Variants in TMEM71 observed in about 807,000 individuals in gnomAD.
The protein encoded by TMEM71 is transmembrane protein 71.
Under a neutral mutation model 38.0 loss-of-function variants are expected in TMEM71, and 44 were observed. That is an observed-to-expected ratio of 1.16 (90% CI 0.91 to 1.49). The LOEUF (loss-of-function observed/expected upper bound fraction) is 1.49, where lower values mean the gene tolerates loss of function less well. Among genes scored for constraint, TMEM71 ranks in the 40% most tolerant of loss-of-function variants. TMEM71 has a pLI of 0.00. For synonymous variants in TMEM71, 133 were observed against 122.5 expected, an observed-to-expected ratio of 1.09 and a Z score of -0.56; for missense variants, 367 against 348.6, an observed-to-expected ratio of 1.05 and a Z score of -0.42.
intron 4 of TMEM71, among the ~76,000 whole-genome samples, chr8:132,749,134 G>T (rs777238099): frequency 3.3e-5 from 5 of 152,198 alleles, no homozygotes; most frequent in Non-Finnish European, 5.9e-5. Context: ...AATGGAGTAA[G>T]ACTTTCCTGA....
chr8:132,754,370 CTT>C (rs1299264157), intron 3 of TMEM71, among the ~76,000 whole-genome samples: 1 of 152,160 alleles, frequency 6.6e-6, no homozygotes, highest in East Asian at 1.9e-4. Context: ...CCTTTCCTCT[CTT>C]AGACTTTTGG....
chr8:132,746,892 T>G (rs1776820944), intron 5 of TMEM71, 50 bp downstream of exon 5: 1 of 1,485,898 alleles, frequency 6.7e-7, no homozygotes, highest in Admixed American at 2.3e-5. Flanking sequence ...GGGTTACCAC[T>G]GCCCACTTGG....
upstream of TMEM71, among the ~76,000 whole-genome samples, chr8:132,762,146 C>T (rs938605377): frequency 3.9e-5 from 6 of 152,234 alleles, no homozygotes; most frequent in Non-Finnish European, 7.3e-5. Flanking sequence ...AGGTCACTTC[C>T]TGAGCCATCT....
chr8:132,736,499 G>C (rs1013447460), intron 5 of TMEM71, among the ~76,000 whole-genome samples: 7 of 152,142 alleles, frequency 4.6e-5, no homozygotes, highest in African/African-American at 1.4e-4. Context: ...ATATCATGGT[G>C]ACTAGAGTTA....
upstream of TMEM71, among the ~76,000 whole-genome samples, chr8:132,761,363 T>C (rs190017515): frequency 6.6e-6 from 1 of 152,322 alleles, no homozygotes; most frequent in East Asian, 1.9e-4. Context: ...ATATATGTCA[T>C]ATGATGGCTT....
intron 7 of TMEM71, among the ~76,000 whole-genome samples, chr8:132,714,470 T>C (rs1826396606): frequency 6.6e-6 from 1 of 151,446 alleles, no homozygotes; most frequent in African/African-American, 2.4e-5. Flanking sequence ...CATACCGTCT[T>C]TTCAACCAAT....
chr8:132,743,205 C>T (rs1208397157), intron 5 of TMEM71, among the ~76,000 whole-genome samples: 10 of 152,052 alleles, frequency 6.6e-5, no homozygotes, highest in African/African-American at 2.2e-4. Flanking sequence ...GCCGCAGGGA[C>T]TCACTCAATC....
intron 6 of TMEM71, among the ~76,000 whole-genome samples, chr8:132,727,308 G>A (rs556044031): frequency 6.6e-6 from 1 of 150,558 alleles, no homozygotes; most frequent in Non-Finnish European, 1.5e-5. Context: ...CCAGGATGGA[G>A]TGCAATGGCG....
At chr8:132,767,205 C>T in the TMEM71 span, among the ~76,000 whole-genome samples, 1 of 152,150 alleles carries the variant, frequency 6.6e-6, no homozygotes, top group Admixed American at 6.5e-5. Context: ...TTTTCCATTA[C>T]TCTCCTCGGC....
At chr8:132,757,346 T>A in intron 2 of TMEM71, 52 bp from the exon 3 acceptor site, 2 of 1,357,064 alleles carry the variant, frequency 1.5e-6, no homozygotes, top group Non-Finnish European at 2.1e-6. Context: ...GATCAACAGT[T>A]ACATATGTTG....
At chr8:132,726,823 G>A (rs1827167451) in intron 6 of TMEM71, among the ~76,000 whole-genome samples, 1 of 150,406 alleles carries the variant, frequency 6.6e-6, no homozygotes, top group South Asian at 2.1e-4. Context: ...ATTAAAGGAT[G>A]TTCTTTTTGT....
chr8:132,710,497 A>G lies in TMEM71; in HGVS notation c.*470T>C, dbSNP rs1826181028. ...TATATTTTATGTACAAATTGCATTT[A>G]TTGTTATTCAAGTTGTCAGGTTGGT... On this transcript the variant is annotated 3_prime_UTR_variant, in exon 10 of 10. Coordinates refer to ENST00000677595, the MANE Select transcript of TMEM71 (RefSeq NM_001382403.1). The G allele has an allele frequency of 8.8e-6, 2 of 227,178 alleles. No homozygotes were observed. Among genetic ancestry groups the G allele is most frequent in the African/African-American group, 4.5e-5 (2 of 44,136 alleles). The allele number at this position is 227,178 out of a possible 1,614,324, so 14.1% of individuals were successfully genotyped here.
At chr8:132,773,885 C>G in the TMEM71 span, among the ~76,000 whole-genome samples, 3 of 152,214 alleles carry the variant, frequency 2.0e-5, no homozygotes, top group South Asian at 4.1e-4. Flanking sequence ...AACAAACAAT[C>G]CAGCACCCAA....
rs755794071 is a variant in TMEM71 at position 132,751,965 on chromosome 8, G to T, written c.134C>A (p.Ser45Tyr). 6.2e-7 allele frequency: 1 copy of T among 1,614,090 alleles called. No individual in the cohort carries two copies. Among genetic ancestry groups the T allele is most frequent in the Admixed American group, 1.7e-5 (1 of 60,018 alleles). Reference protein sequence around the residue: ...FTCDSLDGYHSFECGSIDPLT... With the variant: ...FTCDSLDGYHYFECGSIDPLT... ...GGGATCTATGGAGCCGCATTCAAAA[G>T]AATGGTAACCATCCAGGGAATCACA... is the stretch of plus-strand genomic sequence containing the variant. Residue 45 changes from serine to tyrosine, a missense_variant, in exon 4 of 10, where the codon TCT becomes TAT. Ser to Tyr is a moderately radical substitution (Grantham distance 144). Transcript: ENST00000677595.
chr8:132,757,353 G>GTTGATACATA, intron 2 of TMEM71, 59 bp from the exon 3 acceptor site: 1 of 1,226,612 alleles, frequency 8.2e-7, no homozygotes, highest in Non-Finnish European at 1.2e-6. Context: ...AGTTACATAT[G>GTTGATACATA]TTGATACATG....
In TMEM71 at chr8:132,757,307, ATG is replaced by A. The variant is rs773835006; in HGVS notation, c.41-15_41-14del. The A allele has an allele frequency of 2.5e-6, 4 of 1,575,776 alleles. No homozygotes were observed. The East Asian group carries it at 9.1e-5, about 36-fold the overall frequency. Reference sequence around the variant, plus strand: ...AACCTGGAAGAACCTGCATAAACAAATGAGAGAGAAGTAGAATGTATCATACC... The same window carrying A: ...AACCTGGAAGAACCTGCATAAACAAAAGAGAGAAGTAGAATGTATCATACC... On this transcript the variant is annotated splice_polypyrimidine_tract_variant and intron_variant, in intron 2 of 9. Transcript: ENST00000677595.
Position 132,730,547 on chromosome 8 carries a change from G to A in TMEM71, c.488-2561C>T, listed in dbSNP as rs80218025. Among the ~76,000 whole-genome samples the A allele has an allele frequency of 3.6e-3, 552 of 152,304 alleles. 8 individuals carry two copies. The East Asian group carries it at 0.039, about 11-fold the overall frequency. On this transcript the variant is annotated intron_variant, in intron 5 of 9. Transcript: ENST00000677595. ...TGATGGGAGTAGCCAGGATGTTACC[G>A]TCTGGCTTTAAGCTTTGAGCAGGAG...
In TMEM71 at chr8:132,711,389, G is replaced by C. The variant is rs1042327970; in HGVS notation, c.873-407C>G. Among the ~76,000 whole-genome samples the C allele has an allele frequency of 2.6e-5, 4 of 152,110 alleles. No individual in the cohort carries two copies. The South Asian group carries it at 6.2e-4, about 24-fold the overall frequency. On this transcript the variant is annotated intron_variant, in intron 9 of 9. Coordinates refer to ENST00000677595, the MANE Select transcript of TMEM71 (RefSeq NM_001382403.1). ...GATTAAAAACTTGGTAAAGAAAATG[G>C]CTCAAAAGAATACACCTTCCAGAAA...
intron 5 of TMEM71, among the ~76,000 whole-genome samples, chr8:132,736,127 T>G (rs1284810481): frequency 1.3e-5 from 2 of 152,182 alleles, no homozygotes; most frequent in Non-Finnish European, 2.9e-5. Flanking sequence ...TCAGAAGGAT[T>G]GTAAGGGAAT....
Sources: allele counts gnomAD v4.1 joint callset (sites outside exome capture counted in the v4.1 genomes callset), GRCh38; gene constraint gnomAD v4.1.1; transcripts MANE v1.5; gene names NCBI Gene and HGNC (gene_info 2026-07-23, HGNC 2026-07-21).